The following CLIP1 variants were observed in gnomAD, a reference collection of about 807,000 sequenced individuals.
CLIP1 encodes CAP-Gly domain containing linker protein 1.
A neutral mutation model predicts 161.6 loss-of-function variants in CLIP1; 66 were observed. That is an observed-to-expected ratio of 0.41 (90% CI 0.33 to 0.50). The LOEUF (loss-of-function observed/expected upper bound fraction) is 0.50. CLIP1 is among the 20% of genes least tolerant of loss of function. The probability of loss-of-function intolerance (pLI) is 0.27; values close to 1 mark genes in which losing one functional copy is unlikely to be tolerated. For missense variants in CLIP1, 1,376 were observed against 1,702.0 expected, an observed-to-expected ratio of 0.81 and a Z score of 3.37; for synonymous variants, 598 against 626.2, an observed-to-expected ratio of 0.96 and a Z score of 0.67.
chr12:122,421,034 G>C (rs2137254208), intron 1 of CLIP1, among the ~76,000 whole-genome samples: 1 of 149,536 alleles, frequency 6.7e-6, no homozygotes, highest in East Asian at 2.1e-4. Flanking sequence ...CTAAGCACCT[G>C]AAGTCAGAAT....
In CLIP1 at chr12:122,275,394, T is replaced by G. The variant is rs1955367741; in HGVS notation, c.3967-1232A>C. ...GGGAGACAGAGGCAGGCGGATCATC[T>G]GAGGTCAGGAGTTCAAGACCAACCT... On this transcript the variant is annotated intron_variant, in intron 24 of 25. Coordinates refer to ENST00000620786, the MANE Select transcript of CLIP1 (RefSeq NM_001247997.2). 3 of 151,974 alleles carry G rather than the reference T, an allele frequency of 2.0e-5. No individual in the cohort carries two copies. In the South Asian group the frequency reaches 6.2e-4, roughly 32 times the overall value. 9.4% of individuals were successfully genotyped at this position (151,974 alleles called of 1,614,324 possible).
intron 1 of CLIP1, among the ~76,000 whole-genome samples, chr12:122,398,942 C>CAAAAA (rs34091651): frequency 9.5e-6 from 1 of 105,770 alleles, no homozygotes; most frequent in Non-Finnish European, 1.8e-5. Context: ...ACCAGATATC[C>CAAAAA]AAAAAAAAAA....
At position 122,279,260 on chromosome 12, in the gene CLIP1, C is replaced by A; in HGVS notation, c.3648-115G>T. On this transcript the variant is annotated intron_variant, in intron 21 of 25. Transcript: ENST00000620786. This position sits in a 1 kb window ranked among gnomAD's most constrained non-coding sequence, Gnocchi z 4.5. ...AGTTAATGTAAAAAAAAAAATATAA[C>A]AGGGAAGTTTTATAGGGAGTTAAGG... The A allele has an allele frequency of 1.4e-6, 1 of 698,628 alleles. No individual in the cohort carries two copies. The highest frequency in any genetic ancestry group is 2.3e-6 in the Non-Finnish European group (1 of 438,356). 43.3% of individuals were successfully genotyped at this position (698,628 alleles called of 1,614,324 possible).
rs58917162 is a variant in CLIP1 at position 122,298,596 on chromosome 12, C to CAA, written c.3595-10057_3595-10056dup. ...TGGGTGACAGAGCAGCACTCTGTCT[C>CAA]AAAAAAAAAAAAAAAAAAGAATATT... is the stretch of plus-strand genomic sequence containing the variant. On this transcript the variant is annotated intron_variant, in intron 20 of 25. Transcript: ENST00000620786. 1.1e-3 allele frequency among the ~76,000 whole-genome samples: 71 copies of CAA among 62,090 alleles called. 1 individual carries two copies. The highest frequency in any genetic ancestry group is 2.3e-3 in the African/African-American group (45 of 19,570). The allele number at this position is 62,090 out of a possible 152,430, so 40.7% of individuals were successfully genotyped here.
At chr12:122,403,720 C>G (rs1036962373) in intron 1 of CLIP1, among the ~76,000 whole-genome samples, 2 of 151,848 alleles carry the variant, frequency 1.3e-5, no homozygotes, top group African/African-American at 4.8e-5. Context: ...AGGGTTTCAC[C>G]ATGTTGGCCA....
chr12:122,398,717 T>G (rs1011941471), intron 1 of CLIP1, among the ~76,000 whole-genome samples: 1 of 151,692 alleles, frequency 6.6e-6, no homozygotes, highest in Middle Eastern at 3.4e-3. Flanking sequence ...AAAAAAAATT[T>G]TTTTTAATTA....
intron 3 of CLIP1, among the ~76,000 whole-genome samples, chr12:122,370,710 T>C (rs1030740545): frequency 3.3e-5 from 5 of 152,150 alleles, no homozygotes; most frequent in African/African-American, 1.2e-4. Flanking sequence ...TAAAAGATGA[T>C]GTTTTACTTG....
intron 3 of CLIP1, among the ~76,000 whole-genome samples, chr12:122,366,569 G>A (rs1412490231): frequency 1.3e-5 from 2 of 152,132 alleles, no homozygotes; most frequent in Non-Finnish European, 2.9e-5. Flanking sequence ...GGCTGGGTGC[G>A]GTGGCTCAGG....
At chr12:122,328,716 G>A (rs1023954347) in intron 15 of CLIP1, among the ~76,000 whole-genome samples, 3 of 152,108 alleles carry the variant, frequency 2.0e-5, no homozygotes, top group African/African-American at 7.2e-5. Flanking sequence ...CCAGTAGCTG[G>A]GACTACAGGC....
intron 18 of CLIP1, 27 bp downstream of exon 18, chr12:122,319,205 T>C (rs1303121107): frequency 7.0e-7 from 1 of 1,433,628 alleles, no homozygotes; most frequent in Admixed American, 1.7e-5. Flanking sequence ...CTGTTCTTTG[T>C]ATAAAAAGCT....
chr12:122,334,178 C>A, intron 13 of CLIP1, 68 bp from the exon 14 acceptor site: 1 of 952,138 alleles, frequency 1.1e-6, no homozygotes. Context: ...GCTTGGCTGT[C>A]TTACAACCCA....
At position 122,359,537 on chromosome 12, in the gene CLIP1, A is replaced by C. The variant is rs1422773119; in HGVS notation, c.1005+1422T>G. Among the ~76,000 whole-genome samples the C allele has an allele frequency of 2.0e-5, 3 of 152,196 alleles. No homozygotes were observed. The East Asian group carries it at 5.8e-4, about 29-fold the overall frequency. On this transcript the variant is annotated intron_variant, in intron 5 of 25. Coordinates refer to ENST00000620786, the MANE Select transcript of CLIP1 (RefSeq NM_001247997.2). Reference sequence around the variant, plus strand: ...ATTAAACAAAGCTCTGTCTGAACACAGGGGTTTGGGGCTCTTCTCCATTTC... The same window carrying C: ...ATTAAACAAAGCTCTGTCTGAACACCGGGGTTTGGGGCTCTTCTCCATTTC...
chr12:122,378,009 A>T (rs760042686), intron 2 of CLIP1, 49 bp from the exon 3 acceptor site: 14 of 1,496,252 alleles, frequency 9.4e-6, no homozygotes, highest in Non-Finnish European at 1.2e-5. Flanking sequence ...CAAGCAGACA[A>T]CCTCTAACTT....
intron 5 of CLIP1, among the ~76,000 whole-genome samples, chr12:122,359,933 A>G (rs74724239): frequency 0.022 from 3,310 of 152,298 alleles, 116 homozygotes; most frequent in African/African-American, 0.076. Flanking sequence ...ACTTCTAGGT[A>G]ATAAACTTAT....
At chr12:122,315,663 T>C (rs1951233890) in intron 19 of CLIP1, among the ~76,000 whole-genome samples, 1 of 151,766 alleles carries the variant, frequency 6.6e-6, no homozygotes, top group Admixed American at 6.6e-5. Context: ...TTTTTTGAGA[T>C]GGAGTCTCGC....
chr12:122,336,764 ACAT>A lies in CLIP1; in HGVS notation c.2452-19_2452-17del. On this transcript the variant is annotated splice_polypyrimidine_tract_variant and intron_variant, in intron 11 of 25. Transcript: ENST00000620786. ...TGCTACTAGCCTAACACACAGTGTTACATGGTATAGAAGCAAATGAACAAAAGG... is the reference window on the plus strand; with the variant it reads ...TGCTACTAGCCTAACACACAGTGTTAGGTATAGAAGCAAATGAACAAAAGG... The A allele has an allele frequency of 6.5e-6, 8 of 1,234,250 alleles. No homozygotes were observed. Among genetic ancestry groups the A allele is most frequent in the South Asian group, 1.3e-5 (1 of 74,216 alleles). The allele number at this position is 1,234,250 out of a possible 1,614,324, so 76.5% of individuals were successfully genotyped here. A position where few individuals can be genotyped will look rare whatever the true frequency, so the allele number is the denominator to read the frequency against.
chr12:122,418,710 C>CT (rs1241143154), intron 1 of CLIP1, among the ~76,000 whole-genome samples: 1 of 152,146 alleles, frequency 6.6e-6, no homozygotes, highest in African/African-American at 2.4e-5. Context: ...CTGTAGTGAA[C>CT]TACGATTGTG....
chr12:122,359,714 C>T (rs1168436018), intron 5 of CLIP1, among the ~76,000 whole-genome samples: 3 of 152,184 alleles, frequency 2.0e-5, no homozygotes, highest in Non-Finnish European at 4.4e-5. Context: ...GAGCACAGCC[C>T]CACGTGAAGA....
At chr12:122,292,817 C>T (rs1950299535) in intron 20 of CLIP1, among the ~76,000 whole-genome samples, 1 of 151,934 alleles carries the variant, frequency 6.6e-6, no homozygotes, top group South Asian at 2.1e-4. Flanking sequence ...TCCTGGCTAA[C>T]ATGGTGAAAC....
Sources: allele counts gnomAD v4.1 joint callset (sites outside exome capture counted in the v4.1 genomes callset), GRCh38; gene constraint gnomAD v4.1.1; non-coding constraint Gnocchi (gnomAD v3.1); transcripts MANE v1.5; gene names NCBI Gene and HGNC (gene_info 2026-07-23, HGNC 2026-07-21).